The following MAB21L3 variants were observed in gnomAD, a reference collection of about 807,000 sequenced individuals.
MAB21L3 encodes the protein mab-21 like 3, also known as protein mab-21-like 3.
Under a neutral mutation model 37.7 loss-of-function variants are expected in MAB21L3, and 36 were observed. The observed-to-expected ratio is 0.96, with a 90% confidence interval of 0.73 to 1.26. The LOEUF (loss-of-function observed/expected upper bound fraction) is 1.26. MAB21L3 is among the 50% of genes most tolerant of loss of function. The pLI is 0.00. For missense variants in MAB21L3, 430 were observed against 447.3 expected, an observed-to-expected ratio of 0.96 and a Z score of 0.35; for synonymous variants, 186 against 176.8, an observed-to-expected ratio of 1.05 and a Z score of -0.41.
In MAB21L3 at chr1:116,133,170, T is replaced by C; in HGVS notation, c.894T>C (p.Phe298=). Residue 298 remains phenylalanine (F), a synonymous_variant, in exon 8 of 8, where the codon TTT becomes TTC. Transcript: ENST00000369500. ...LFWTCEKYPH[F]KDWQVFSKAF... is the part of the protein sequence containing the mutation. ...GGACCTGCGAGAAATATCCCCACTT[T>C]AAAGACTGGCAGGTCTTCAGCAAAG... 8.1e-6 allele frequency: 13 copies of C among 1,614,224 alleles called. No individual in the cohort carries two copies. Among genetic ancestry groups the C allele is most frequent in the Non-Finnish European group, 1.1e-5 (13 of 1,180,046 alleles).
chr1:116,124,765 C>T (rs1659851402), intron 5 of MAB21L3, among the ~76,000 whole-genome samples: 2 of 152,112 alleles, frequency 1.3e-5, no homozygotes, highest in South Asian at 4.1e-4. Flanking sequence ...TGAGATTCCA[C>T]ATTTGGAAAC....
intron 4 of MAB21L3, among the ~76,000 whole-genome samples, chr1:116,122,761 T>C (rs1371126151): frequency 6.6e-6 from 1 of 152,144 alleles, no homozygotes; most frequent in Non-Finnish European, 1.5e-5. Flanking sequence ...TAGAGATGGA[T>C]TTCATCATAT....
intron 7 of MAB21L3, among the ~76,000 whole-genome samples, chr1:116,130,718 A>G (rs998609391): frequency 6.6e-6 from 1 of 151,372 alleles, no homozygotes; most frequent in Non-Finnish European, 1.5e-5. Flanking sequence ...CCCCAAGACT[A>G]TTTCATGTGA....
chr1:116,125,076 G>C (rs1227730372), intron 5 of MAB21L3, among the ~76,000 whole-genome samples: 1 of 146,882 alleles, frequency 6.8e-6, no homozygotes, highest in African/African-American at 2.5e-5. Flanking sequence ...GCAAAAATAA[G>C]AAAAGGCATT....
intron 7 of MAB21L3, among the ~76,000 whole-genome samples, chr1:116,130,123 T>A (rs748690457): frequency 2.0e-5 from 3 of 152,244 alleles, no homozygotes; most frequent in Non-Finnish European, 2.9e-5. Flanking sequence ...AACGATTGAC[T>A]TCATTACCTC....
chr1:116,114,151 G>C (rs1409194748), intron 3 of MAB21L3, among the ~76,000 whole-genome samples: 2 of 152,172 alleles, frequency 1.3e-5, no homozygotes, highest in African/African-American at 4.8e-5. Context: ...TCATGAGTTT[G>C]TATATTAACT....
Position 116,135,337 on chromosome 1 carries a change from A to G in MAB21L3, c.*1972A>G, listed in dbSNP as rs1461479768. On this transcript the variant is annotated 3_prime_UTR_variant, in exon 8 of 8. Transcript: ENST00000369500. ...CAGAAATACAAACTACCATCAGAGAATACTACAAACTCCTCTACGCAAATA... is the reference window on the plus strand; with the variant it reads ...CAGAAATACAAACTACCATCAGAGAGTACTACAAACTCCTCTACGCAAATA... 1 of 152,186 alleles carries G rather than the reference A, an allele frequency of 6.6e-6. No individual in the cohort carries two copies. The allele number at this position is 152,186 out of a possible 1,614,324, so 9.4% of individuals were successfully genotyped here.
Position 116,133,229 on chromosome 1 carries a change from G to C in MAB21L3, c.953G>C (p.Cys318Ser). ...CGCCTGGTGAGGAAACTGCACAAGT[G>C]CGTGAGCCAGCACTTCCTGAAACAC... is the stretch of plus-strand genomic sequence containing the variant. ...FLRLVRKLHK[C>S]VSQHFLKHYF... Residue 318 changes from cysteine (C) to serine (S), a missense_variant, in exon 8 of 8, where the codon TGC becomes TCC. Physicochemically the swap from Cys to Ser is moderately radical, Grantham distance 112. Transcript: ENST00000369500. 1 of 1,614,202 alleles carries C rather than the reference G, an allele frequency of 6.2e-7. No individual in the cohort carries two copies.
chr1:116,135,274 A>T lies in MAB21L3; in HGVS notation c.*1909A>T, dbSNP rs1660178989. 6.6e-6 allele frequency: 1 copy of T among 152,140 alleles called. No individual in the cohort carries two copies. The highest frequency in any genetic ancestry group is 1.5e-5 in the Non-Finnish European group (1 of 68,026). 9.4% of individuals were successfully genotyped at this position (152,140 alleles called of 1,614,324 possible). A position where few individuals can be genotyped will look rare whatever the true frequency, so the allele number is the denominator to read the frequency against. Reference sequence around the variant, plus strand: ...AAAGAGAGAAGAATCAAATAGATGCAATAAAAAATGATAAAGGGGATATCA... The same window carrying T: ...AAAGAGAGAAGAATCAAATAGATGCTATAAAAAATGATAAAGGGGATATCA... On this transcript the variant is annotated 3_prime_UTR_variant, in exon 8 of 8. Transcript: ENST00000369500.
rs867722321 is a variant in MAB21L3 at position 116,116,138 on chromosome 1, T to C, written c.48+3475T>C. Among the ~76,000 whole-genome samples, 7 of 152,202 alleles carry C rather than the reference T, an allele frequency of 4.6e-5. 1 individual carries two copies. The highest frequency in any genetic ancestry group is 6.3e-3 in the Middle Eastern group (2 of 316). On this transcript the variant is annotated intron_variant, in intron 3 of 7. Coordinates refer to ENST00000369500, the MANE Select transcript of MAB21L3 (RefSeq NM_152367.3). ...TTTTCCACACCCTGAAATGAACTTC[T>C]TGCTGTATCTGTCTAGGGTGTGGCC...
intron 3 of MAB21L3, among the ~76,000 whole-genome samples, chr1:116,118,886 G>A (rs574765541): frequency 1.6e-4 from 25 of 152,276 alleles, no homozygotes; most frequent in Admixed American, 4.6e-4. Flanking sequence ...TGAAGTATCC[G>A]TTTTCTATGT....
chr1:116,121,115 G>A lies in MAB21L3; in HGVS notation c.189+43G>A, dbSNP rs1250280259. The stretch of plus-strand genomic sequence containing the variant: ...TCTCTAAGTGCCACCAACAGAGCCA[G>A]GACACTTGGGCAGGTGAATCTCAGT... On this transcript the variant is annotated intron_variant, in intron 4 of 7. Coordinates refer to ENST00000369500, the MANE Select transcript of MAB21L3 (RefSeq NM_152367.3). 7 of 1,587,464 alleles carry A rather than the reference G, an allele frequency of 4.4e-6. No homozygotes were observed. In the Admixed American group the frequency reaches 6.8e-5, roughly 15 times the overall value.
chr1:116,133,438 T>C lies in MAB21L3; in HGVS notation c.*73T>C, dbSNP rs1660132467. 1 of 1,391,852 alleles carries C rather than the reference T, an allele frequency of 7.2e-7. No individual in the cohort carries two copies. Among genetic ancestry groups the C allele is most frequent in the Non-Finnish European group, 1.0e-6 (1 of 992,170 alleles). 86.2% of individuals were successfully genotyped at this position (1,391,852 alleles called of 1,614,324 possible). On this transcript the variant is annotated 3_prime_UTR_variant, in exon 8 of 8. Transcript: ENST00000369500. ...CATTGTTCTTTGGATGGTTCCTCAG[T>C]CAGGTGCCAGGATCCTGCCTAGGAG...
intron 7 of MAB21L3, among the ~76,000 whole-genome samples, chr1:116,131,607 T>C (rs924300194): frequency 3.3e-5 from 5 of 152,170 alleles, no homozygotes; most frequent in Admixed American, 3.3e-4. Context: ...CTCCACCTTC[T>C]GGGTTCACGC....
chr1:116,114,137 T>C (rs74805411), intron 3 of MAB21L3, among the ~76,000 whole-genome samples: 2,767 of 152,350 alleles, frequency 0.018, 81 homozygotes, highest in African/African-American at 0.063. Flanking sequence ...CACCATTTAT[T>C]TGATCATGAG....
chr1:116,132,991 T>G, intron 7 of MAB21L3, 141 bp from the exon 8 acceptor site: 2 of 696,114 alleles, frequency 2.9e-6, no homozygotes, highest in East Asian at 2.7e-5. Flanking sequence ...AAGTTGGGGA[T>G]TGTGAATTCA....
chr1:116,123,983 A>C, intron 4 of MAB21L3, 83 bp from the exon 5 acceptor site: 1 of 1,427,632 alleles, frequency 7.0e-7, no homozygotes, highest in South Asian at 1.4e-5. Context: ...GAGCTGCCTG[A>C]CGAGACAGGT....
intron 3 of MAB21L3, among the ~76,000 whole-genome samples, chr1:116,120,480 CATTT>C (rs1427314263): frequency 6.6e-6 from 1 of 151,072 alleles, no homozygotes; most frequent in Non-Finnish European, 1.5e-5. Flanking sequence ...TATATATACA[CATTT>C]ATATGTGTGT....
At position 116,128,296 on chromosome 1, in the gene MAB21L3, G is replaced by T; in HGVS notation, c.812G>T (p.Trp271Leu). ...ATGAGGCACCTGAAGGAGGACATCT[G>T]GTGCCCAGGGAACAGGCCGGTTATC... ...QVMRHLKEDI[W>L]CPGNRPVITS... Residue 271 changes from tryptophan to leucine, a missense_variant, in exon 7 of 8, where the codon TGG (tryptophan) becomes TTG (leucine). Trp to Leu is a moderately conservative substitution (Grantham distance 61). Coordinates refer to ENST00000369500, the MANE Select transcript of MAB21L3 (RefSeq NM_152367.3). 2 of 1,613,864 alleles carry T rather than the reference G, an allele frequency of 1.2e-6. No individual in the cohort carries two copies. The highest frequency in any genetic ancestry group is 1.1e-5 in the South Asian group (1 of 91,066).
Sources: gnomAD v4.1 joint callset for allele counts (sites outside exome capture counted in the v4.1 genomes callset) on GRCh38, gnomAD v4.1.1 for gene constraint, MANE v1.5 for transcripts, NCBI Gene and HGNC (gene_info 2026-07-23, HGNC 2026-07-21) for gene names.